The following CTIF variants were observed in gnomAD, a reference collection of about 807,000 sequenced individuals.
CTIF encodes CBP80/20-dependent translation initiation factor.
In CTIF, 21 loss-of-function variants were observed where a neutral mutation model predicts 66.0. That is an observed-to-expected ratio of 0.32 (90% confidence interval 0.23 to 0.46). The LOEUF is 0.46. Among genes scored for constraint, CTIF ranks in the 20% least tolerant of loss-of-function variants. CTIF has a pLI of 1.00. For synonymous variants in CTIF, 345 were observed against 326.4 expected (o/e 1.06, Z -0.62); for missense variants, 739 against 812.7 (o/e 0.91, Z 1.10).
intron 9 of CTIF, among the ~76,000 whole-genome samples, chr18:48,807,580 G>GTTTTT (rs36110913): frequency 2.9e-5 from 3 of 102,830 alleles, no homozygotes; most frequent in Non-Finnish European, 4.1e-5. Context: ...TTGTTGTTGT[G>GTTTTT]TTTTTTTTTT....
intron 1 of CTIF, chr18:48,566,673 A>G (rs2089287577): frequency 6.6e-6 from 1 of 152,026 alleles, no homozygotes; most frequent in Non-Finnish European, 1.5e-5. Flanking sequence ...GTCATATTTG[A>G]CACCTCTGTT....
intron 3 of CTIF, among the ~76,000 whole-genome samples, chr18:48,655,665 G>T (rs1327440867): frequency 1.3e-5 from 2 of 152,096 alleles, no homozygotes; most frequent in African/African-American, 4.8e-5. Flanking sequence ...CTGTATCAGG[G>T]GGTTTCCATT....
rs553144635 is a variant in CTIF at position 48,642,208 on chromosome 18, T to C, written c.252+5523T>C. The stretch of plus-strand genomic sequence containing the variant: ...GAGCTTCTGGATCACTGCCAGTTTG[T>C]AGGGTAAAAACTAGTTTACACAGAA... On this transcript the variant is annotated intron_variant, in intron 3 of 11. Transcript: ENST00000256413. Among the ~76,000 whole-genome samples, 35 of 152,288 alleles carry C rather than the reference T, an allele frequency of 2.3e-4. No individual in the cohort carries two copies. In the South Asian group the frequency reaches 3.7e-3, roughly 16 times the overall value.
chr18:48,598,908 C>T (rs999620499), intron 1 of CTIF, among the ~76,000 whole-genome samples: 27 of 152,280 alleles, frequency 1.8e-4, no homozygotes, highest in African/African-American at 5.5e-4. Flanking sequence ...GGGGACAATC[C>T]CAGCAAGACT....
At chr18:48,646,624 G>A (rs2091036582) in intron 3 of CTIF, among the ~76,000 whole-genome samples, 1 of 151,886 alleles carries the variant, frequency 6.6e-6, no homozygotes, top group South Asian at 2.1e-4. Context: ...GCACATACCT[G>A]TGGTTCCAGC....
Position 48,711,450 on chromosome 18 carries a change from ACT to A in CTIF, c.508-166_508-165del, listed in dbSNP as rs554195622. On this transcript the variant is annotated intron_variant, in intron 6 of 11. Coordinates refer to ENST00000256413, the MANE Select transcript of CTIF (RefSeq NM_014772.3). The stretch of plus-strand genomic sequence containing the variant: ...TCACTGCCTGGTAGGAAGTTCATTG[ACT>A]CTACTGTTTTTCCTTTTTCAGTCTG... Among the ~76,000 whole-genome samples, 38 of 152,014 alleles carry A rather than the reference ACT, an allele frequency of 2.5e-4. No homozygotes were observed. The East Asian group carries it at 6.6e-3, about 26-fold the overall frequency.
At chr18:48,739,313 ACC>A (rs2092533947) in intron 7 of CTIF, among the ~76,000 whole-genome samples, 1 of 151,982 alleles carries the variant, frequency 6.6e-6, no homozygotes, top group Non-Finnish European at 1.5e-5. Context: ...GACAGACCTA[ACC>A]CCCAAGCTGG....
At chr18:48,598,562 A>G (rs1437535657) in intron 1 of CTIF, among the ~76,000 whole-genome samples, 3 of 152,132 alleles carry the variant, frequency 2.0e-5, no homozygotes, top group Admixed American at 2.0e-4. Context: ...GTGCATTTAA[A>G]ATTTAAGGTC....
chr18:48,581,568 A>G (rs1360747489), intron 1 of CTIF, among the ~76,000 whole-genome samples: 1 of 152,166 alleles, frequency 6.6e-6, no homozygotes, highest in Admixed American at 6.5e-5. Context: ...CCACTTGGCT[A>G]GGGAAGCGAG....
intron 7 of CTIF, among the ~76,000 whole-genome samples, chr18:48,756,788 G>A (rs1908407482): frequency 6.6e-6 from 1 of 152,158 alleles, no homozygotes; most frequent in Non-Finnish European, 1.5e-5. Flanking sequence ...TTGCCTTTTG[G>A]CCACAACTCA....
chr18:48,717,313 G>A (rs1396239798), intron 7 of CTIF, among the ~76,000 whole-genome samples: 1 of 151,972 alleles, frequency 6.6e-6, no homozygotes, highest in Admixed American at 6.6e-5. Context: ...CAGGAGAATT[G>A]CCTGAACCTG....
chr18:48,643,082 G>A (rs966719993), intron 3 of CTIF, among the ~76,000 whole-genome samples: 4 of 152,166 alleles, frequency 2.6e-5, no homozygotes, highest in East Asian at 1.9e-4. Context: ...GCAGCTTCCC[G>A]GAGGCTGGGG....
At chr18:48,551,734 TA>T (rs2145540996) in intron 1 of CTIF, among the ~76,000 whole-genome samples, 1 of 152,210 alleles carries the variant, frequency 6.6e-6, no homozygotes, top group African/African-American at 2.4e-5. Context: ...GAGATGTCTG[TA>T]AACGCAGGGA....
intron 6 of CTIF, among the ~76,000 whole-genome samples, chr18:48,675,758 A>G (rs1779237602): frequency 6.6e-6 from 1 of 152,138 alleles, no homozygotes; most frequent in Admixed American, 6.5e-5. Flanking sequence ...GGGCAGCAGC[A>G]CGGGGCTGCA....
At chr18:48,839,408 T>C (rs2068887236) in intron 10 of CTIF, among the ~76,000 whole-genome samples, 1 of 152,128 alleles carries the variant, frequency 6.6e-6, no homozygotes, top group South Asian at 2.1e-4. Flanking sequence ...CACAGCACAC[T>C]CTACACTGTG....
intron 1 of CTIF, among the ~76,000 whole-genome samples, chr18:48,615,676 G>A (rs776851379): frequency 3.9e-5 from 6 of 152,238 alleles, no homozygotes; most frequent in East Asian, 1.9e-4. Flanking sequence ...GAGGGCAGCC[G>A]CATGGGGCGC....
intron 1 of CTIF, among the ~76,000 whole-genome samples, chr18:48,599,133 G>A (rs879776367): frequency 9.9e-5 from 15 of 152,226 alleles, no homozygotes; most frequent in Admixed American, 7.8e-4. Flanking sequence ...AAGGCCTGGC[G>A]AACTGTAAAG....
chr18:48,543,522 A>G (rs1234571906), intron 1 of CTIF, among the ~76,000 whole-genome samples: 3 of 152,138 alleles, frequency 2.0e-5, no homozygotes, highest in Admixed American at 1.3e-4. Context: ...TCCCTGTGTT[A>G]GCACCGTGCT....
chr18:48,707,930 G>A (rs896123506), intron 6 of CTIF, among the ~76,000 whole-genome samples: 1 of 152,120 alleles, frequency 6.6e-6, no homozygotes, highest in Non-Finnish European at 1.5e-5. Flanking sequence ...CTGCAGATAT[G>A]CCTATTATGG....
Sources: gnomAD v4.1 joint callset for allele counts (sites outside exome capture counted in the v4.1 genomes callset) on GRCh38, gnomAD v4.1.1 for gene constraint, MANE v1.5 for transcripts, NCBI Gene and HGNC (gene_info 2026-07-23, HGNC 2026-07-21) for gene names.